DNAI2: variants seen among roughly 807,000 people sequenced by gnomAD.
The protein encoded by DNAI2 is dynein axonemal intermediate chain 2.
A neutral mutation model predicts 74.7 loss-of-function variants in DNAI2; 63 were observed. The ratio of observed to expected loss-of-function variants is 0.84; its 90% CI spans 0.69 to 1.04. The LOEUF is 1.04. Among genes scored for constraint, DNAI2 ranks in the 50% least tolerant of loss-of-function variants. DNAI2 has a pLI of 0.00. For missense variants in DNAI2, 688 were observed against 803.2 expected, an observed-to-expected ratio of 0.86 and a Z score of 1.73; for synonymous variants, 289 against 314.9, an observed-to-expected ratio of 0.92 and a Z score of 0.87.
chr17:74,305,759 C>T (rs1288162800), intron 9 of DNAI2, among the ~76,000 whole-genome samples: 1 of 150,452 alleles, frequency 6.6e-6, no homozygotes, highest in South Asian at 2.1e-4. Flanking sequence ...GCAGCCTCCA[C>T]CTCCCAGGTT....
At chr17:74,295,306 G>A (rs1276551943) in intron 6 of DNAI2, among the ~76,000 whole-genome samples, 1 of 152,066 alleles carries the variant, frequency 6.6e-6, no homozygotes, top group South Asian at 2.1e-4. Flanking sequence ...GGAGGCTGAG[G>A]CAAGAGAATT....
intron 1 of DNAI2, among the ~76,000 whole-genome samples, chr17:74,276,024 T>C (rs915556439): frequency 4.6e-5 from 7 of 152,144 alleles, no homozygotes; most frequent in African/African-American, 1.7e-4. Flanking sequence ...ATCTCCTTAT[T>C]CCACTAGGGA....
chr17:74,307,127 A>G (rs1211543714), intron 9 of DNAI2: 3 of 417,132 alleles, frequency 7.2e-6, no homozygotes, highest in African/African-American at 6.2e-5. Context: ...GCATTGTTCC[A>G]GGCCTCATAG....
In DNAI2 at chr17:74,300,573, T is replaced by C. The variant is rs2052702660; in HGVS notation, c.865-473T>C. ...ATGTGGGTGTACCATAATTTATATA[T>C]GGATTCTAATATTTTGTTGCTACCC... On this transcript the variant is annotated intron_variant, in intron 7 of 13. Coordinates refer to ENST00000311014, the MANE Select transcript of DNAI2 (RefSeq NM_023036.6). This position sits in a 1 kb window ranked among gnomAD's most constrained non-coding sequence, Gnocchi z 4.5. Among the ~76,000 whole-genome samples the C allele has an allele frequency of 6.6e-6, 1 of 152,236 alleles. No homozygotes were observed. The highest frequency in any genetic ancestry group is 1.5e-5 in the Non-Finnish European group (1 of 68,046).
At chr17:74,292,954 C>G (rs779867971) in intron 6 of DNAI2, among the ~76,000 whole-genome samples, 3 of 152,042 alleles carry the variant, frequency 2.0e-5, no homozygotes, top group Non-Finnish European at 4.4e-5. Context: ...CTCAGCCTTC[C>G]GAGTAGCTGG....
At position 74,312,013 on chromosome 17, in the gene DNAI2, G is replaced by A. The variant is rs767482061; in HGVS notation, c.1505G>A (p.Arg502His). Residue 502 changes from arginine to histidine, a missense_variant, in exon 12 of 14, where the codon CGT (arginine) becomes CAT (histidine). Coordinates refer to ENST00000311014, the MANE Select transcript of DNAI2 (RefSeq NM_023036.6). ...EKNVASSMFE[R>H]ETRREKILEA... is the part of the protein sequence containing the mutation. Reference sequence around the variant, plus strand: ...TCCCTGGGTGCCCAGATGTTTGAGCGTGAGACCCGGCGAGAGAAGATCCTG... The same window carrying A: ...TCCCTGGGTGCCCAGATGTTTGAGCATGAGACCCGGCGAGAGAAGATCCTG... 1.7e-5 allele frequency: 28 copies of A among 1,611,446 alleles called. No homozygotes were observed. Among genetic ancestry groups the A allele is most frequent in the South Asian group, 3.3e-5 (3 of 90,990 alleles).
intron 9 of DNAI2, 34 bp downstream of exon 9, chr17:74,305,476 A>G (rs1355397757): frequency 3.8e-6 from 6 of 1,597,590 alleles, no homozygotes; most frequent in Non-Finnish European, 5.1e-6. Context: ...GAGGGGATGC[A>G]GGAGACAGGA....
intron 6 of DNAI2, among the ~76,000 whole-genome samples, chr17:74,295,916 AGGG>A (rs1416401854): frequency 1.3e-5 from 2 of 152,168 alleles, no homozygotes; most frequent in Non-Finnish European, 2.9e-5. Context: ...TTCTCTGCTA[AGGG>A]GCTCTGTGTG....
intron 6 of DNAI2, among the ~76,000 whole-genome samples, chr17:74,295,956 GCCAGGC>G (rs2052397571): frequency 6.6e-6 from 1 of 152,136 alleles, no homozygotes. Context: ...TTTACACTCA[GCCAGGC>G]AGTTGTCAAC....
At position 74,285,145 on chromosome 17, in the gene DNAI2, C is replaced by T. The variant is rs1162719665; in HGVS notation, c.289C>T (p.Arg97Trp). ...GGAGCTGGAGCAGACCATCCGTTTCCGGAAGAAAGTGGAGAAAGATGAGAA... is the reference window on the plus strand; with the variant it reads ...GGAGCTGGAGCAGACCATCCGTTTCTGGAAGAAAGTGGAGAAAGATGAGAA... Reference protein sequence around the residue: ...PLELEQTIRFRKKVEKDENYV... With the variant: ...PLELEQTIRFWKKVEKDENYV... The change falls in exon 3 of 14, where the codon CGG becomes TGG. Residue 97 changes from arginine to tryptophan, a missense_variant. Transcript: ENST00000311014. 2.5e-5 allele frequency: 40 copies of T among 1,614,094 alleles called. No individual in the cohort carries two copies. Among genetic ancestry groups the T allele is most frequent in the Non-Finnish European group, 3.1e-5 (36 of 1,180,046 alleles).
chr17:74,301,463 G>A (rs2052759397), intron 8 of DNAI2, among the ~76,000 whole-genome samples: 1 of 152,184 alleles, frequency 6.6e-6, no homozygotes, highest in Admixed American at 6.5e-5. Flanking sequence ...GAAAAGCCCT[G>A]TTTTGTGGGG....
intron 8 of DNAI2, among the ~76,000 whole-genome samples, chr17:74,304,353 C>T (rs929925173): frequency 5.3e-5 from 8 of 151,740 alleles, no homozygotes; most frequent in African/African-American, 1.7e-4. Context: ...TGACAAAGGC[C>T]CTCCCCTCAG....
chr17:74,312,111 G>T lies in DNAI2; in HGVS notation c.1603G>T (p.Glu535Ter). Residue 535 changes from glutamate (E) to a stop codon, truncating the protein, a stop_gained, in exon 12 of 14, where the codon GAG becomes TAG. Transcript: ENST00000311014. LOFTEE classifies it high-confidence loss of function. Reference sequence around the variant, plus strand: ...GGGCAGGGATGAGGAGCAGACCGATGAGGAGCTGGCCGTAGACCTGGAGGC... The same window carrying T: ...GGGCAGGGATGAGGAGCAGACCGATTAGGAGCTGGCCGTAGACCTGGAGGC... Reference protein sequence around the residue: ...AEGRDEEQTDEELAVDLEALV... With the variant: ...AEGRDEEQTD The T allele has an allele frequency of 6.2e-7, 1 of 1,613,762 alleles. No homozygotes were observed. The highest frequency in any genetic ancestry group is 8.5e-7 in the Non-Finnish European group (1 of 1,179,972).
intron 1 of DNAI2, 120 bp from the exon 2 acceptor site, chr17:74,281,687 A>AC (rs1443854958): frequency 2.1e-6 from 2 of 941,942 alleles, no homozygotes; most frequent in Non-Finnish European, 3.3e-6. Context: ...GGATCTCCCC[A>AC]CCACCCCTTG....
chr17:74,306,005 G>C (rs2053171861), intron 9 of DNAI2, among the ~76,000 whole-genome samples: 3 of 152,130 alleles, frequency 2.0e-5, no homozygotes, highest in Admixed American at 2.0e-4. Flanking sequence ...ACTATCCCCA[G>C]GAGGAGGCAG....
At chr17:74,286,915 G>A (rs1455139913) in intron 3 of DNAI2, 62 bp from the exon 4 acceptor site, 16 of 1,610,698 alleles carry the variant, frequency 9.9e-6, no homozygotes, top group East Asian at 2.2e-5. Flanking sequence ...CTCCATTGCA[G>A]GCCTGGGCAA....
intron 1 of DNAI2, among the ~76,000 whole-genome samples, chr17:74,275,467 G>A (rs2143827443): frequency 6.6e-6 from 1 of 152,282 alleles, no homozygotes; most frequent in East Asian, 1.9e-4. Flanking sequence ...TTTCACACCT[G>A]TAATCCCAGT....
At position 74,300,289 on chromosome 17, in the gene DNAI2, C is replaced by T. The variant is rs541658747; in HGVS notation, c.864+432C>T. On this transcript the variant is annotated intron_variant, in intron 7 of 13. Transcript: ENST00000311014. This position sits in a 1 kb window ranked among gnomAD's most constrained non-coding sequence, Gnocchi z 4.5. Reference sequence around the variant, plus strand: ...GTTGAGTAGTGATAATACATGCCCACGGAACAGAATCTAAAGGGTGCAAAA... The same window carrying T: ...GTTGAGTAGTGATAATACATGCCCATGGAACAGAATCTAAAGGGTGCAAAA... 3.3e-5 allele frequency among the ~76,000 whole-genome samples: 5 copies of T among 152,260 alleles called. No homozygotes were observed. The East Asian group carries it at 7.7e-4, about 24-fold the overall frequency.
chr17:74,281,124 C>T (rs1356490356), intron 1 of DNAI2, among the ~76,000 whole-genome samples: 2 of 141,490 alleles, frequency 1.4e-5, no homozygotes, highest in Admixed American at 1.4e-4. Context: ...AAACAAAAGA[C>T]GAAAACTGTA....
Sources: allele counts gnomAD v4.1 joint callset (sites outside exome capture counted in the v4.1 genomes callset), GRCh38; gene constraint gnomAD v4.1.1; non-coding constraint Gnocchi (gnomAD v3.1); transcripts MANE v1.5; gene names NCBI Gene and HGNC (gene_info 2026-07-23, HGNC 2026-07-21).